Variants in CDK5RAP2 observed in about 807,000 individuals in gnomAD.
The protein encoded by CDK5RAP2 is CDK5 regulatory subunit-associated protein 2.
CDK5RAP2 carries 147 observed loss-of-function variants against 232.9 expected under a neutral mutation model. The observed-to-expected ratio is 0.63, with a 90% confidence interval of 0.55 to 0.72. CDK5RAP2 has a LOEUF of 0.72. Ranked by LOEUF, CDK5RAP2 falls within the 30% of genes least tolerant of loss-of-function variation. CDK5RAP2 has a pLI of 0.00. For synonymous variants in CDK5RAP2, 833 were observed against 833.7 expected (o/e 1.00, Z 0.01); for missense variants, 2,195 against 2,231.5 (o/e 0.98, Z 0.33).
intron 1 of CDK5RAP2, among the ~76,000 whole-genome samples, chr9:120,579,149 C>T (rs2043149438): frequency 1.3e-5 from 2 of 152,192 alleles, no homozygotes; most frequent in African/African-American, 4.8e-5. Flanking sequence ...GGGGCAGGTC[C>T]ATGGGAGGCC....
At position 120,542,402 on chromosome 9, in the gene CDK5RAP2, G is replaced by A. The variant is rs375457350; in HGVS notation, c.384-3238C>T. On this transcript the variant is annotated intron_variant, in intron 5 of 37. Transcript: ENST00000349780. ...TGCCTGTAATCCCAGCTACTCGGGA[G>A]GCTGAGGCAGAAGAATCACTTGAAC... Among the ~76,000 whole-genome samples the A allele has an allele frequency of 6.6e-5, 10 of 152,124 alleles. No individual in the cohort carries two copies. The East Asian group carries it at 1.9e-3, about 29-fold the overall frequency.
At chr9:120,569,851 G>A (rs2042784695) in intron 2 of CDK5RAP2, among the ~76,000 whole-genome samples, 1 of 152,152 alleles carries the variant, frequency 6.6e-6, no homozygotes, top group South Asian at 2.1e-4. Context: ...GGATAATCTA[G>A]GCCGCAGATC....
At chr9:120,464,398 G>A (rs1307571358) in intron 18 of CDK5RAP2, among the ~76,000 whole-genome samples, 1 of 152,038 alleles carries the variant, frequency 6.6e-6, no homozygotes, top group African/African-American at 2.4e-5. Flanking sequence ...GACAGGGCGG[G>A]GACATGTGTG....
At position 120,446,260 on chromosome 9, in the gene CDK5RAP2, CT is replaced by C. The variant is rs376560465; in HGVS notation, c.3025+1634del. Among the ~76,000 whole-genome samples, 642 of 147,980 alleles carry C rather than the reference CT, an allele frequency of 4.3e-3. 3 individuals are homozygous for C. The highest frequency in any genetic ancestry group is 0.014 in the African/African-American group (578 of 40,688). ...ACAGGCTGTGGTTTGTCAACTCCTA[CT>C]TTTTTTTTTTGAGATGGAGTTTCGC... is the stretch of plus-strand genomic sequence containing the variant. On this transcript the variant is annotated intron_variant, in intron 22 of 37. Coordinates refer to ENST00000349780, the MANE Select transcript of CDK5RAP2 (RefSeq NM_018249.6).
At position 120,489,909 on chromosome 9, in the gene CDK5RAP2, G is replaced by A. The variant is rs112312866; in HGVS notation, c.1482+1398C>T. 2.4e-3 allele frequency among the ~76,000 whole-genome samples: 363 copies of A among 151,830 alleles called. 3 individuals are homozygous for A. Among genetic ancestry groups the A allele is most frequent in the African/African-American group, 7.8e-3 (321 of 41,344 alleles). ...CGCAACCTCTGCCTCCCGGGTTCAA[G>A]CGATTCTCCTGCCTCAGCCTCCCGA... On this transcript the variant is annotated intron_variant, in intron 13 of 37. Transcript: ENST00000349780.
chr9:120,443,647 T>C lies in CDK5RAP2; in HGVS notation c.3121A>G (p.Ser1041Gly). ...ATCTCGTAGCTTCTTTGCTGATCAC[T>C]GTCCATTTCCTTGTCTCTCCAGACA... The part of the protein sequence containing the change: ...SSVWRDKEMD[S>G]DQQRSYEIDS... The change falls in exon 23 of 38, where the codon AGT (serine) becomes GGT (glycine). Residue 1041 changes from serine (S) to glycine (G), a missense_variant. Coordinates refer to ENST00000349780, the MANE Select transcript of CDK5RAP2 (RefSeq NM_018249.6). 6.2e-7 allele frequency: 1 copy of C among 1,614,188 alleles called. No homozygotes were observed.
At chr9:120,494,106 AAAAGT>A (rs1219234179) in intron 12 of CDK5RAP2, among the ~76,000 whole-genome samples, 11 of 152,132 alleles carry the variant, frequency 7.2e-5, no homozygotes, top group Middle Eastern at 3.4e-3. Context: ...AAAAAAAAAA[AAAAGT>A]AAAGGAAGGG....
rs112502856 is a variant in CDK5RAP2, at chr9:120,471,980, T to A, written c.1728-102A>T. 120 of 1,481,362 alleles carry A rather than the reference T, an allele frequency of 8.1e-5. No individual in the cohort carries two copies. The African/African-American group carries it at 1.1e-3, about 14-fold the overall frequency. 91.8% of individuals were successfully genotyped at this position (1,481,362 alleles called of 1,614,324 possible). A position where few individuals can be genotyped will look rare whatever the true frequency, so the allele number is the denominator to read the frequency against. On this transcript the variant is annotated intron_variant, in intron 15 of 37. Transcript: ENST00000349780. ...TGTGATTTTTATGTCATTTGTGTTTTTTTCTGGTTATAAAAGTATATACAG... is the reference window on the plus strand; with the variant it reads ...TGTGATTTTTATGTCATTTGTGTTTATTTCTGGTTATAAAAGTATATACAG...
chr9:120,515,104 C>T (rs2040271641), intron 12 of CDK5RAP2, among the ~76,000 whole-genome samples: 1 of 152,054 alleles, frequency 6.6e-6, no homozygotes, highest in Non-Finnish European at 1.5e-5. Flanking sequence ...GTATCACCCC[C>T]TCATCCTCGG....
chr9:120,522,925 T>C (rs1291789084), intron 11 of CDK5RAP2, among the ~76,000 whole-genome samples: 5 of 152,176 alleles, frequency 3.3e-5, no homozygotes, highest in South Asian at 2.1e-4. Flanking sequence ...AGATAGCCGA[T>C]ATAGGTGTAT....
intron 36 of CDK5RAP2, among the ~76,000 whole-genome samples, chr9:120,390,668 T>C (rs1026356487): frequency 2.6e-5 from 4 of 152,208 alleles, no homozygotes; most frequent in Non-Finnish European, 5.9e-5. Context: ...TCAACAGGGC[T>C]TGGTGAGAGT....
At chr9:120,461,968 C>T (rs538144416) in intron 18 of CDK5RAP2, among the ~76,000 whole-genome samples, 22 of 152,348 alleles carry the variant, frequency 1.4e-4, no homozygotes, top group African/African-American at 5.0e-4. Context: ...ATTTCTGAAT[C>T]CCTACATTTA....
chr9:120,483,230 C>A (rs1220435277), intron 14 of CDK5RAP2, among the ~76,000 whole-genome samples: 1 of 152,262 alleles, frequency 6.6e-6, no homozygotes, highest in Non-Finnish European at 1.5e-5. Context: ...TCACCGCATT[C>A]CCCTGCCTCA....
intron 21 of CDK5RAP2, among the ~76,000 whole-genome samples, chr9:120,449,199 C>T (rs1052828325): frequency 2.0e-5 from 3 of 152,108 alleles, no homozygotes; most frequent in African/African-American, 7.2e-5. Context: ...TAGCATATGC[C>T]GACTCCTTTG....
At chr9:120,543,090 T>C (rs2041705772) in intron 5 of CDK5RAP2, among the ~76,000 whole-genome samples, 1 of 152,214 alleles carries the variant, frequency 6.6e-6, no homozygotes, top group Admixed American at 6.5e-5. Flanking sequence ...CGAACATTCT[T>C]AAACAGAGCT....
At chr9:120,540,038 G>A (rs887408822) in intron 5 of CDK5RAP2, among the ~76,000 whole-genome samples, 3 of 152,112 alleles carry the variant, frequency 2.0e-5, no homozygotes, top group African/African-American at 7.2e-5. Context: ...AAAAGGGGAG[G>A]TTACACAAGC....
chr9:120,532,910 GT>G (rs1268046819), intron 7 of CDK5RAP2, among the ~76,000 whole-genome samples: 2 of 151,826 alleles, frequency 1.3e-5, no homozygotes, highest in Non-Finnish European at 2.9e-5. Flanking sequence ...CCTTCCCAAA[GT>G]CCCCCTTCCA....
intron 31 of CDK5RAP2, chr9:120,407,964 T>C (rs1202687486): frequency 1.3e-5 from 4 of 304,330 alleles, no homozygotes; most frequent in African/African-American, 8.6e-5. Context: ...ATGTGTCAGG[T>C]ATCTTGCTAG....
intron 14 of CDK5RAP2, among the ~76,000 whole-genome samples, chr9:120,483,226 C>T (rs1163383996): frequency 6.6e-6 from 1 of 152,264 alleles, no homozygotes; most frequent in Non-Finnish European, 1.5e-5. Flanking sequence ...CCGCTCACCG[C>T]ATTCCCCTGC....
Sources: gnomAD v4.1 joint callset for allele counts (sites outside exome capture counted in the v4.1 genomes callset) on GRCh38, gnomAD v4.1.1 for gene constraint, MANE v1.5 for transcripts, NCBI Gene and HGNC (gene_info 2026-07-23, HGNC 2026-07-21) for gene names.